Variants in CLEC1A observed in about 807,000 individuals in gnomAD.
The protein encoded by CLEC1A is C-type lectin domain family 1 member A.
In CLEC1A, 34 loss-of-function variants were observed where a neutral mutation model predicts 28.7. That is an observed-to-expected ratio of 1.18 (90% CI 0.90 to 1.57). The LOEUF is 1.57. Among genes scored for constraint, CLEC1A ranks in the 40% most tolerant of loss-of-function variants. The pLI, the probability that CLEC1A is intolerant of heterozygous loss-of-function variation, is 0.00. For missense variants in CLEC1A, 385 were observed against 339.5 expected (o/e 1.13, Z -1.05); for synonymous variants, 116 against 121.0 (o/e 0.96, Z 0.27).
At position 10,089,133 on chromosome 12, in the gene CLEC1A, C is replaced by T; in HGVS notation, c.205G>A (p.Gly69Arg). Reference sequence around the variant, plus strand: ...CAGAGCGCAGACTTACACAAAAGCCCCAGGGCTGCCAGCCCTATCAGCAGC... The same window carrying T: ...CAGAGCGCAGACTTACACAAAAGCCTCAGGGCTGCCAGCCCTATCAGCAGC... ...LVLLIGLAALGLLFFQYYQLS... is the reference protein window; with the variant it reads ...LVLLIGLAALRLLFFQYYQLS... Residue 69 changes from glycine (G) to arginine (R), a missense_variant, in exon 2 of 6, where the codon GGG (glycine) becomes AGG (arginine). Physicochemically the swap from Gly to Arg is moderately radical, Grantham distance 125. Coordinates refer to ENST00000315330, the MANE Select transcript of CLEC1A (RefSeq NM_016511.4). The T allele has an allele frequency of 6.2e-7, 1 of 1,613,496 alleles. No individual in the cohort carries two copies. Among genetic ancestry groups the T allele is most frequent in the Non-Finnish European group, 8.5e-7 (1 of 1,179,472 alleles).
At position 10,089,166 on chromosome 12, in the gene CLEC1A, A is replaced by C; in HGVS notation, c.172T>G (p.Cys58Gly). Reference sequence around the variant, plus strand: ...GCCAGCCCTATCAGCAGCACCAAGCACAAAGTCAGCAGGGTCAGGGCCACT... The same window carrying C: ...GCCAGCCCTATCAGCAGCACCAAGCCCAAAGTCAGCAGGGTCAGGGCCACT... Reference protein sequence around the residue: ...RPVALTLLTLCLVLLIGLAAL... With the variant: ...RPVALTLLTLGLVLLIGLAAL... Residue 58 changes from cysteine (C) to glycine (G), a missense_variant, in exon 2 of 6, where the codon TGC becomes GGC. Coordinates refer to ENST00000315330, the MANE Select transcript of CLEC1A (RefSeq NM_016511.4). The C allele has an allele frequency of 6.2e-7, 1 of 1,614,138 alleles. No individual in the cohort carries two copies. Among genetic ancestry groups the C allele is most frequent in the Non-Finnish European group, 8.5e-7 (1 of 1,179,982 alleles).
chr12:10,082,368 A>G (rs1866390553), intron 2 of CLEC1A, among the ~76,000 whole-genome samples: 1 of 152,110 alleles, frequency 6.6e-6, no homozygotes, highest in African/African-American at 2.4e-5. Flanking sequence ...CAAGACTTGC[A>G]TCACCAGCTA....
At chr12:10,080,388 A>T (rs1866343773) in intron 3 of CLEC1A, among the ~76,000 whole-genome samples, 1 of 152,168 alleles carries the variant, frequency 6.6e-6, no homozygotes, top group Non-Finnish European at 1.5e-5. Context: ...TTAGTTATGT[A>T]GGAAAGAATC....
intron 1 of CLEC1A, among the ~76,000 whole-genome samples, chr12:10,092,950 C>T (rs1429855242): frequency 6.6e-6 from 1 of 152,218 alleles, no homozygotes; most frequent in East Asian, 1.9e-4. Context: ...TCAAAATTCT[C>T]CTTCCAATCA....
At chr12:10,074,680 C>T (rs1226673691) in intron 4 of CLEC1A, among the ~76,000 whole-genome samples, 1 of 151,958 alleles carries the variant, frequency 6.6e-6, no homozygotes, top group South Asian at 2.1e-4. Flanking sequence ...ATTAAGCCAT[C>T]GAGAAAGGGT....
At chr12:10,084,753 C>T (rs562454479) in intron 2 of CLEC1A, among the ~76,000 whole-genome samples, 8 of 142,294 alleles carry the variant, frequency 5.6e-5, no homozygotes, top group South Asian at 2.3e-4. Context: ...ACCCGGGAGG[C>T]GGAGCTTGCA....
chr12:10,079,177 G>T (rs1440249847), intron 3 of CLEC1A, among the ~76,000 whole-genome samples: 1 of 152,166 alleles, frequency 6.6e-6, no homozygotes, highest in Non-Finnish European at 1.5e-5. Flanking sequence ...TAGACATCCT[G>T]TGTGTTTTGT....
intron 1 of CLEC1A, among the ~76,000 whole-genome samples, chr12:10,097,001 CTTTCAA>C (rs907415751): frequency 6.6e-6 from 1 of 152,132 alleles, no homozygotes; most frequent in African/African-American, 2.4e-5. Context: ...TTGTATTAGA[CTTTCAA>C]TTTCCTTATG....
chr12:10,097,915 T>TA (rs11453815), intron 1 of CLEC1A, among the ~76,000 whole-genome samples: 11,577 of 117,876 alleles, frequency 0.098, 1,968 homozygotes, highest in African/African-American at 0.34. Flanking sequence ...GTAGTTTAGT[T>TA]AAAAAAAAAA....
chr12:10,076,460 C>T (rs1866253351), intron 3 of CLEC1A, among the ~76,000 whole-genome samples: 1 of 151,938 alleles, frequency 6.6e-6, no homozygotes, highest in Non-Finnish European at 1.5e-5. Flanking sequence ...TGAAATATTT[C>T]ATGAAGTAAA....
At chr12:10,078,080 A>G (rs1373779794) in intron 3 of CLEC1A, among the ~76,000 whole-genome samples, 1 of 152,136 alleles carries the variant, frequency 6.6e-6, no homozygotes, top group Non-Finnish European at 1.5e-5. Flanking sequence ...AAGAACCATC[A>G]TATTTCTCCT....
rs543310433 is a variant in CLEC1A at position 10,074,553 on chromosome 12, A to C, written c.543+951T>G. Among the ~76,000 whole-genome samples, 38 of 152,360 alleles carry C rather than the reference A, an allele frequency of 2.5e-4. 1 individual carries two copies. The highest frequency in any genetic ancestry group is 8.9e-4 in the African/African-American group (37 of 41,590). On this transcript the variant is annotated intron_variant, in intron 4 of 5. Coordinates refer to ENST00000315330, the MANE Select transcript of CLEC1A (RefSeq NM_016511.4). ...GTGATATAATATAGTTCAGTTTTAT[A>C]CCTGAGTTTGCAGTGTATGCTGGAG...
At chr12:10,085,633 T>C (rs1395580945) in intron 2 of CLEC1A, among the ~76,000 whole-genome samples, 1 of 150,820 alleles carries the variant, frequency 6.6e-6, no homozygotes, top group Non-Finnish European at 1.5e-5. Flanking sequence ...ACCCTAAATA[T>C]ATATGCACTT....
intron 3 of CLEC1A, among the ~76,000 whole-genome samples, chr12:10,079,435 A>T (rs968023564): frequency 1.3e-5 from 2 of 152,166 alleles, no homozygotes; most frequent in African/African-American, 4.8e-5. Flanking sequence ...AATGTAACTT[A>T]TTTGCATAGC....
At chr12:10,085,533 C>G (rs1214489367) in intron 2 of CLEC1A, among the ~76,000 whole-genome samples, 1 of 27,158 alleles carries the variant, frequency 3.7e-5, no homozygotes, top group African/African-American at 1.9e-4. Context: ...AAAGCAAAAA[C>G]AGTAAAAAAA....
At chr12:10,073,454 A>G in intron 4 of CLEC1A, 43 bp from the exon 5 acceptor site, 1 of 1,462,734 alleles carries the variant, frequency 6.8e-7, no homozygotes, top group Non-Finnish European at 9.6e-7. Context: ...TGGTGGCATG[A>G]TTACTCACAT....
At chr12:10,080,813 T>A (rs1343754013) in intron 3 of CLEC1A, among the ~76,000 whole-genome samples, 2 of 152,224 alleles carry the variant, frequency 1.3e-5, no homozygotes. Context: ...TGAATTAAAA[T>A]AACTTGAATT....
rs570515046 is a variant in CLEC1A at position 10,070,923 on chromosome 12, T to C, written c.*410A>G. The C allele has an allele frequency of 6.5e-6, 1 of 154,938 alleles. No homozygotes were observed. The highest frequency in any genetic ancestry group is 1.4e-5 in the Non-Finnish European group (1 of 69,782). The allele number at this position is 154,938 out of a possible 1,614,324, so 9.6% of individuals were successfully genotyped here. A position where few individuals can be genotyped will look rare whatever the true frequency, so the allele number is the denominator to read the frequency against. On this transcript the variant is annotated 3_prime_UTR_variant, in exon 6 of 6. Transcript: ENST00000315330. ...AATCTGGGAAGTGACTGCCAATTTCTGATGGACTACTTGACTGTCAGAGAA... is the reference window on the plus strand; with the variant it reads ...AATCTGGGAAGTGACTGCCAATTTCCGATGGACTACTTGACTGTCAGAGAA...
intron 2 of CLEC1A, among the ~76,000 whole-genome samples, chr12:10,086,143 A>C (rs1340431128): frequency 6.6e-6 from 1 of 152,182 alleles, no homozygotes; most frequent in East Asian, 1.9e-4. Flanking sequence ...ACAGAACGAT[A>C]ATATTGGTGA....
Sources: gnomAD v4.1 joint callset for allele counts (sites outside exome capture counted in the v4.1 genomes callset) on GRCh38, gnomAD v4.1.1 for gene constraint, MANE v1.5 for transcripts, NCBI Gene and HGNC (gene_info 2026-07-23, HGNC 2026-07-21) for gene names.